The following UGT1A10 variants were observed in gnomAD, a reference collection of about 807,000 sequenced individuals.
UGT1A10 encodes UDP glucuronosyltransferase family 1 member A10.
A neutral mutation model predicts 45.8 loss-of-function variants in UGT1A10; 49 were observed. That is an observed-to-expected ratio of 1.07 (90% CI 0.85 to 1.36). UGT1A10 has a LOEUF of 1.36. Among genes scored for constraint, UGT1A10 ranks in the 40% most tolerant of loss-of-function variants. The pLI, the probability that UGT1A10 is intolerant of heterozygous loss-of-function variation, is 0.00. For missense variants in UGT1A10, 745 were observed against 668.6 expected, an observed-to-expected ratio of 1.11 and a Z score of -1.26; for synonymous variants, 284 against 249.7, an observed-to-expected ratio of 1.14 and a Z score of -1.29.
intron 1 of UGT1A10, chr2:233,760,696 A>G (rs1165584842): frequency 6.2e-7 from 1 of 1,614,168 alleles, no homozygotes; most frequent in South Asian, 1.1e-5. Context: ...CAAGGAGCTC[A>G]TGGCCTCCCT....
At chr2:233,760,556 A>G (rs1285506084) in intron 1 of UGT1A10, 1 of 1,614,220 alleles carries the variant, frequency 6.2e-7, no homozygotes, top group Admixed American at 1.7e-5. Context: ...GATGTGAAAG[A>G]GTCTTTTGTT....
At chr2:233,693,454 C>T (rs1319320427) in intron 1 of UGT1A10, 1 of 1,614,134 alleles carries the variant, frequency 6.2e-7, no homozygotes, top group Admixed American at 1.7e-5. Context: ...TTTTCACAGA[C>T]CCAGCCTTAC....
Position 233,693,465 on chromosome 2 carries a change from C to G in UGT1A10, c.855+56088C>G, listed in dbSNP as rs139410055. The G allele has an allele frequency of 3.7e-6, 6 of 1,613,952 alleles. No homozygotes were observed. The African/African-American group carries it at 6.7e-5, about 18-fold the overall frequency. The stretch of plus-strand genomic sequence containing the variant: ...GCTCTTTTCACAGACCCAGCCTTAC[C>G]CTGTGGGGTGATCCTGGCTGAGTAT... On this transcript the variant is annotated intron_variant, in intron 1 of 4. Coordinates refer to ENST00000344644, the MANE Select transcript of UGT1A10 (RefSeq NM_019075.4).
Position 233,772,833 on chromosome 2 carries a change from T to G in UGT1A10, c.*274T>G. 1.1e-6 allele frequency: 1 copy of G among 879,514 alleles called. No individual in the cohort carries two copies. Among genetic ancestry groups the G allele is most frequent in the Non-Finnish European group, 1.6e-6 (1 of 630,666 alleles). 54.5% of individuals were successfully genotyped at this position (879,514 alleles called of 1,614,324 possible). A position where few individuals can be genotyped will look rare whatever the true frequency, so the allele number is the denominator to read the frequency against. ...AGGACGTGCAGACAGGCTGGCATTCTAGATTACTTTTCTTACTCTGAAACA... is the reference window on the plus strand; with the variant it reads ...AGGACGTGCAGACAGGCTGGCATTCGAGATTACTTTTCTTACTCTGAAACA... On this transcript the variant is annotated 3_prime_UTR_variant, in exon 5 of 5. Transcript: ENST00000344644.
chr2:233,661,626 T>TCTTTCTTTCTTTCTTC (rs1462811243), intron 1 of UGT1A10, among the ~76,000 whole-genome samples: 1 of 105,608 alleles, frequency 9.5e-6, no homozygotes, highest in Admixed American at 1.0e-4. Context: ...TACTGAATTT[T>TCTTTCTTTCTTTCTTC]CTTTCTTTCT....
In UGT1A10 at chr2:233,712,300, T is replaced by C. The variant is rs189228141; in HGVS notation, c.856-54734T>C. Among the ~76,000 whole-genome samples the C allele has an allele frequency of 8.4e-4, 128 of 151,886 alleles. 1 individual carries two copies. The highest frequency in any genetic ancestry group is 3.4e-3 in the Middle Eastern group (1 of 294). On this transcript the variant is annotated intron_variant, in intron 1 of 4. Coordinates refer to ENST00000344644, the MANE Select transcript of UGT1A10 (RefSeq NM_019075.4). ...AGCACCTCTTCTTCCATGGTGTAGA[T>C]GGAGAATCCTCAACAAAGCCTTTCC...
intron 1 of UGT1A10, among the ~76,000 whole-genome samples, chr2:233,720,365 G>C (rs920594093): frequency 6.6e-6 from 1 of 152,064 alleles, no homozygotes; most frequent in East Asian, 1.9e-4. Context: ...ATGTCAAAAG[G>C]GTCTTCTACT....
chr2:233,651,271 C>G (rs1442816627), intron 1 of UGT1A10, among the ~76,000 whole-genome samples: 1 of 152,166 alleles, frequency 6.6e-6, no homozygotes, highest in Admixed American at 6.5e-5. Context: ...TGAACCCACA[C>G]TGAGTTCCTT....
intron 1 of UGT1A10, among the ~76,000 whole-genome samples, chr2:233,716,830 C>G (rs1426652870): frequency 6.6e-6 from 1 of 152,152 alleles, no homozygotes; most frequent in African/African-American, 2.4e-5. Flanking sequence ...CTCACTGACA[C>G]CCATGGCTTC....
rs143031439 is a variant in UGT1A10 at position 233,719,079 on chromosome 2, A to G, written c.856-47955A>G. ...AGCCTATGCTGTTCCATGGACCCAG[A>G]AGGAATTTGATCGCGTTACGCTGGG... On this transcript the variant is annotated intron_variant, in intron 1 of 4. Coordinates refer to ENST00000344644, the MANE Select transcript of UGT1A10 (RefSeq NM_019075.4). 42 of 1,614,102 alleles carry G rather than the reference A, an allele frequency of 2.6e-5. No homozygotes were observed. In the East Asian group the frequency reaches 3.3e-4, roughly 13 times the overall value.
At chr2:233,770,978 T>C (rs1192605361) in intron 4 of UGT1A10, 1 of 152,076 alleles carries the variant, frequency 6.6e-6, no homozygotes, top group Non-Finnish European at 1.5e-5. Flanking sequence ...CAGAAGGCAA[T>C]GCGGGAGCTT....
At position 233,708,055 on chromosome 2, in the gene UGT1A10, C is replaced by G. The variant is rs77717552; in HGVS notation, c.856-58979C>G. On this transcript the variant is annotated intron_variant, in intron 1 of 4. Transcript: ENST00000344644. ...GTTATAGATATTGCAAATATCTTCC[C>G]CCACTCTGCATCTTGCTTTTTACTT... Among the ~76,000 whole-genome samples the G allele has an allele frequency of 8.8e-3, 1,337 of 152,226 alleles. 30 individuals carry two copies. Among genetic ancestry groups the G allele is most frequent in the African/African-American group, 0.03 (1,248 of 41,548 alleles).
intron 1 of UGT1A10, among the ~76,000 whole-genome samples, chr2:233,744,256 G>A (rs1276151413): frequency 2.0e-5 from 3 of 151,770 alleles, no homozygotes; most frequent in Admixed American, 1.3e-4. Context: ...CTGAAGAACT[G>A]TTTTTCTTAA....
chr2:233,645,759 C>T (rs1306588092), intron 1 of UGT1A10, among the ~76,000 whole-genome samples: 3 of 152,180 alleles, frequency 2.0e-5, no homozygotes, highest in African/African-American at 7.2e-5. Context: ...TACAGCCTCC[C>T]TTCCAGCTGC....
rs1353214227 is a variant in UGT1A10, at chr2:233,636,898, A to G, written c.376A>G (p.Ser126Gly). The part of the protein sequence containing the change: ...FLDLFFSHCR[S>G]LFNDRKLVEY... The stretch of plus-strand genomic sequence containing the variant: ...TGACTTATTTTTTTCGCATTGCAGG[A>G]GTTTGTTTAATGACCGAAAATTAGT... The change falls in exon 1 of 5, where the codon AGT becomes GGT. Residue 126 changes from serine to glycine, a missense_variant. By Grantham distance (56) the Ser-to-Gly change is moderately conservative. Transcript: ENST00000344644. The G allele has an allele frequency of 1.9e-6, 3 of 1,613,940 alleles. No homozygotes were observed. In the African/African-American group the frequency reaches 4.0e-5, roughly 22 times the overall value.
intron 1 of UGT1A10, among the ~76,000 whole-genome samples, chr2:233,646,936 G>A (rs1011947111): frequency 6.6e-6 from 1 of 152,196 alleles, no homozygotes; most frequent in Admixed American, 6.5e-5. Context: ...TGCTGATAAA[G>A]ACATGCCTGA....
Position 233,689,112 on chromosome 2 carries a change from A to G in UGT1A10, c.855+51735A>G, listed in dbSNP as rs1053496103. 3.3e-5 allele frequency among the ~76,000 whole-genome samples: 5 copies of G among 152,200 alleles called. No homozygotes were observed. The South Asian group carries it at 8.3e-4, about 25-fold the overall frequency. On this transcript the variant is annotated intron_variant, in intron 1 of 4. Coordinates refer to ENST00000344644, the MANE Select transcript of UGT1A10 (RefSeq NM_019075.4). ...TGTGCCCCTCCCCACTGCTCCTGGA[A>G]CCACAACCCACATTGTTACAAGCCC... is the stretch of plus-strand genomic sequence containing the variant.
At chr2:233,646,847 C>T (rs568060410) in intron 1 of UGT1A10, among the ~76,000 whole-genome samples, 3 of 152,318 alleles carry the variant, frequency 2.0e-5, no homozygotes, top group African/African-American at 7.2e-5. Context: ...TTCTAAAGTC[C>T]CTTCCACGTT....
chr2:233,724,621 C>T (rs1346107086), intron 1 of UGT1A10, among the ~76,000 whole-genome samples: 1 of 138,572 alleles, frequency 7.2e-6, no homozygotes, highest in African/African-American at 2.8e-5. Flanking sequence ...CAGAGACGCT[C>T]CTCACTTCCT....
Sources: allele counts gnomAD v4.1 joint callset (sites outside exome capture counted in the v4.1 genomes callset), GRCh38; gene constraint gnomAD v4.1.1; transcripts MANE v1.5; gene names NCBI Gene and HGNC (gene_info 2026-07-23, HGNC 2026-07-21).